Variants in MTHFS observed in about 807,000 individuals in gnomAD.
The protein encoded by MTHFS is methenyltetrahydrofolate synthetase.
Under a neutral mutation model 12.7 loss-of-function variants are expected in MTHFS, and 7 were observed. The ratio of observed to expected loss-of-function variants is 0.55; its 90% CI spans 0.31 to 1.03. MTHFS has a LOEUF of 1.03. Among genes scored for constraint, MTHFS ranks in the 50% least tolerant of loss-of-function variants. The pLI is 0.05. For missense variants in MTHFS, 252 were observed against 258.1 expected, an observed-to-expected ratio of 0.98 and a Z score of 0.16; for synonymous variants, 100 against 97.1, an observed-to-expected ratio of 1.03 and a Z score of -0.18.
chr15:79,889,188 A>T lies in MTHFS; in HGVS notation c.284T>A (p.Ile95Lys), dbSNP rs539556109. Residue 95 changes from isoleucine (I) to lysine (K), a missense_variant, in exon 2 of 3, where the codon ATA (isoleucine) becomes AAA (lysine). Physicochemically the swap from Ile to Lys is moderately radical, Grantham distance 102. Coordinates refer to ENST00000258874, the MANE Select transcript of MTHFS (RefSeq NM_006441.4). Reference protein sequence around the residue: ...FQSNHMDMVRIESPEEISLLP... With the variant: ...FQSNHMDMVRKESPEEISLLP... ...TAAAGAAATTTCCTCTGGTGATTCT[A>T]TTCTCACCATATCCATGTGATTGCT... 23 of 1,614,060 alleles carry T rather than the reference A, an allele frequency of 1.4e-5. No homozygotes were observed. Among genetic ancestry groups the T allele is most frequent in the Non-Finnish European group, 1.9e-5 (23 of 1,180,022 alleles).
intron 2 of MTHFS, among the ~76,000 whole-genome samples, chr15:79,847,242 G>A (rs888746588): frequency 2.0e-5 from 3 of 152,096 alleles, no homozygotes; most frequent in Non-Finnish European, 2.9e-5. Flanking sequence ...CAGTTTACTC[G>A]CTTGGACAGA....
intron 2 of MTHFS, 90 bp from the exon 3 acceptor site, chr15:79,845,532 C>A: frequency 6.8e-7 from 1 of 1,472,196 alleles, no homozygotes; most frequent in Non-Finnish European, 9.1e-7. Context: ...GACATCAATT[C>A]TTTCTCTGAT....
intron 2 of MTHFS, among the ~76,000 whole-genome samples, chr15:79,860,306 G>A (rs1016125988): frequency 1.3e-5 from 2 of 151,228 alleles, no homozygotes; most frequent in Admixed American, 6.6e-5. Flanking sequence ...GGAGAATGGC[G>A]TGAACCCAGG....
chr15:79,892,572 T>C (rs2034492409), intron 1 of MTHFS, among the ~76,000 whole-genome samples: 1 of 152,252 alleles, frequency 6.6e-6, no homozygotes, highest in Non-Finnish European at 1.5e-5. Context: ...ATTACCTTCC[T>C]AGCTACACAT....
intron 1 of MTHFS, 41 bp downstream of exon 1, chr15:79,896,831 G>A (rs1366506371): frequency 2.6e-6 from 4 of 1,538,066 alleles, no homozygotes; most frequent in Non-Finnish European, 3.5e-6. Context: ...GGCCTTCGGA[G>A]GGTCTGTCCG....
intron 2 of MTHFS, among the ~76,000 whole-genome samples, chr15:79,869,599 T>A (rs1484406630): frequency 6.6e-6 from 1 of 152,096 alleles, no homozygotes; most frequent in Non-Finnish European, 1.5e-5. Context: ...CACAGCCAGC[T>A]AATTTTAAAT....
At chr15:79,847,319 G>A (rs1035840731) in intron 2 of MTHFS, among the ~76,000 whole-genome samples, 2 of 151,994 alleles carry the variant, frequency 1.3e-5, no homozygotes, top group Admixed American at 6.6e-5. Context: ...ATGGAGATTT[G>A]GGGTCAAAGG....
chr15:79,887,965 T>C (rs1477919865), intron 2 of MTHFS, among the ~76,000 whole-genome samples: 1 of 152,128 alleles, frequency 6.6e-6, no homozygotes, highest in Non-Finnish European at 1.5e-5. Context: ...ATACTGACTT[T>C]ATAGGCTATG....
chr15:79,886,245 G>T (rs1326618603), intron 2 of MTHFS, among the ~76,000 whole-genome samples: 1 of 152,212 alleles, frequency 6.6e-6, no homozygotes, highest in Non-Finnish European at 1.5e-5. Context: ...TGATCAGCTT[G>T]TCCCAAACAC....
chr15:79,860,327 T>G (rs1252029946), intron 2 of MTHFS, among the ~76,000 whole-genome samples: 2 of 151,396 alleles, frequency 1.3e-5, no homozygotes, highest in African/African-American at 4.9e-5. Flanking sequence ...AGGCAGAGCT[T>G]GCAGTGAACA....
At chr15:79,852,527 C>T (rs1019306090) in intron 2 of MTHFS, among the ~76,000 whole-genome samples, 1 of 152,156 alleles carries the variant, frequency 6.6e-6, no homozygotes, top group African/African-American at 2.4e-5. Context: ...CCTATTTTGG[C>T]CATCTGGGAA....
chr15:79,862,281 T>G (rs1215206602), intron 2 of MTHFS, among the ~76,000 whole-genome samples: 1 of 152,188 alleles, frequency 6.6e-6, no homozygotes, highest in Non-Finnish European at 1.5e-5. Flanking sequence ...ACCCTATAAG[T>G]AACATCAACC....
intron 1 of MTHFS, among the ~76,000 whole-genome samples, chr15:79,894,263 C>A (rs1344022009): frequency 6.6e-6 from 1 of 152,096 alleles, no homozygotes; most frequent in Non-Finnish European, 1.5e-5. Context: ...TGCCTGTAAT[C>A]CCAGCTACTT....
intron 1 of MTHFS, among the ~76,000 whole-genome samples, chr15:79,891,597 AT>A (rs772411967): frequency 2.0e-5 from 3 of 152,248 alleles, no homozygotes; most frequent in Non-Finnish European, 4.4e-5. Flanking sequence ...AATGAAAAAA[AT>A]GTTAAGAAAT....
intron 2 of MTHFS, among the ~76,000 whole-genome samples, chr15:79,858,481 G>C (rs547903661): frequency 6.6e-6 from 1 of 152,240 alleles, no homozygotes; most frequent in Non-Finnish European, 1.5e-5. Context: ...CTGTTTGTGT[G>C]ACTTCGGACA....
At chr15:79,848,464 T>G (rs2033658016) in intron 2 of MTHFS, among the ~76,000 whole-genome samples, 1 of 152,176 alleles carries the variant, frequency 6.6e-6, no homozygotes, top group African/African-American at 2.4e-5. Context: ...CCCAGACACT[T>G]ACAACTTTTA....
rs1007079648 is a variant in MTHFS, at chr15:79,844,904, C to A, written c.*306G>T. 4 of 372,098 alleles carry A rather than the reference C, an allele frequency of 1.1e-5. No individual in the cohort carries two copies. The highest frequency in any genetic ancestry group is 2.1e-5 in the African/African-American group (1 of 48,034). 23.0% of individuals were successfully genotyped at this position (372,098 alleles called of 1,614,324 possible). On this transcript the variant is annotated 3_prime_UTR_variant, in exon 3 of 3. Coordinates refer to ENST00000258874, the MANE Select transcript of MTHFS (RefSeq NM_006441.4). ...ACCTTCCTCTCGCACTCAGTCGGAG[C>A]ACAGTTCCTCATAAATATTTAACTT...
intron 2 of MTHFS, among the ~76,000 whole-genome samples, chr15:79,879,373 G>A (rs1319675378): frequency 7.4e-6 from 1 of 135,516 alleles, no homozygotes; most frequent in Non-Finnish European, 1.5e-5. Context: ...TGTCCCCCAG[G>A]CTGGAGTCCA....
chr15:79,891,987 A>T, intron 1 of MTHFS, among the ~76,000 whole-genome samples: 1 of 138,772 alleles, frequency 7.2e-6, no homozygotes. Context: ...AAAAAAAAAG[A>T]GAAAGAAAAA....
Sources: allele counts gnomAD v4.1 joint callset (sites outside exome capture counted in the v4.1 genomes callset), GRCh38; gene constraint gnomAD v4.1.1; transcripts MANE v1.5; gene names NCBI Gene and HGNC (gene_info 2026-07-23, HGNC 2026-07-21).